Variants in MARCHF1 observed in about 807,000 individuals in gnomAD.
The protein encoded by MARCHF1 is E3 ubiquitin-protein ligase MARCHF1.
MARCHF1 carries 40 observed loss-of-function variants against 54.2 expected under a neutral mutation model. The observed-to-expected ratio is 0.74, with a 90% CI of 0.57 to 0.96. The LOEUF (loss-of-function observed/expected upper bound fraction) is 0.96. Among genes scored for constraint, MARCHF1 ranks in the 40% least tolerant of loss-of-function variants. MARCHF1 has a pLI of 0.00. For missense variants in MARCHF1, 586 were observed against 656.5 expected, an observed-to-expected ratio of 0.89 and a Z score of 1.17; for synonymous variants, 236 against 236.3, an observed-to-expected ratio of 1.00 and a Z score of 0.01.
At chr4:164,190,296 C>T in intron 1 of MARCHF1, 1 of 758,400 alleles carries the variant, frequency 1.3e-6, no homozygotes, top group Non-Finnish European at 2.3e-6. Context: ...AAGCCCTCTC[C>T]CAGCCACGAA....
intron 2 of MARCHF1, among the ~76,000 whole-genome samples, chr4:164,079,409 A>G (rs1408687644): frequency 1.3e-5 from 2 of 152,344 alleles, no homozygotes; most frequent in South Asian, 2.1e-4. Context: ...AGTAACAAAC[A>G]ATTGGCCAAA....
chr4:163,576,125 G>A (rs1369982746), intron 8 of MARCHF1, among the ~76,000 whole-genome samples: 1 of 151,876 alleles, frequency 6.6e-6, no homozygotes, highest in Non-Finnish European at 1.5e-5. Flanking sequence ...CTGTAGGTGT[G>A]ATGTTAGATT....
chr4:164,093,310 T>C (rs950704636), intron 2 of MARCHF1, among the ~76,000 whole-genome samples: 1 of 152,160 alleles, frequency 6.6e-6, no homozygotes, highest in Non-Finnish European at 1.5e-5. Context: ...AACATTTTTC[T>C]TCCTTTTGGA....
At chr4:163,723,434 T>C (rs553725155) in intron 4 of MARCHF1, among the ~76,000 whole-genome samples, 1 of 152,366 alleles carries the variant, frequency 6.6e-6, no homozygotes, top group African/African-American at 2.4e-5. Flanking sequence ...TAACCCGATC[T>C]TTCTCTCTGG....
chr4:163,553,606 A>C (rs1011883992), intron 8 of MARCHF1, among the ~76,000 whole-genome samples: 3 of 152,252 alleles, frequency 2.0e-5, no homozygotes, highest in Admixed American at 1.3e-4. Flanking sequence ...TCTGTAAGAA[A>C]TGGAGCAAAT....
chr4:163,810,224 T>C (rs1748345710), intron 4 of MARCHF1, among the ~76,000 whole-genome samples: 1 of 152,164 alleles, frequency 6.6e-6, no homozygotes, highest in Admixed American at 6.5e-5. Flanking sequence ...TATAAATCCA[T>C]GGATGCCTAC....
chr4:164,096,518 A>G (rs556282433), intron 2 of MARCHF1, among the ~76,000 whole-genome samples: 1 of 152,086 alleles, frequency 6.6e-6, no homozygotes, highest in African/African-American at 2.4e-5. Flanking sequence ...CCTCAGCACT[A>G]TGAAATACAC....
At chr4:164,329,840 C>T (rs889751532) in intron 1 of MARCHF1, 3 of 152,310 alleles carry the variant, frequency 2.0e-5, no homozygotes, top group Non-Finnish European at 4.4e-5. Context: ...AGCCATTCAC[C>T]AGGGATCCAC....
At chr4:164,305,797 A>G (rs1451597912) in intron 1 of MARCHF1, among the ~76,000 whole-genome samples, 1 of 152,176 alleles carries the variant, frequency 6.6e-6, no homozygotes, top group Non-Finnish European at 1.5e-5. Flanking sequence ...CAAATGTTCC[A>G]GACGAAGAAT....
At chr4:164,061,083 G>A (rs968492606) in intron 2 of MARCHF1, among the ~76,000 whole-genome samples, 3 of 152,038 alleles carry the variant, frequency 2.0e-5, no homozygotes, top group African/African-American at 7.2e-5. Flanking sequence ...GTCATAATAA[G>A]AAACTATTGC....
chr4:164,276,291 TC>T (rs1227689510), intron 1 of MARCHF1, among the ~76,000 whole-genome samples: 4 of 152,142 alleles, frequency 2.6e-5, no homozygotes, highest in African/African-American at 9.7e-5. Flanking sequence ...TTTCTTGAAT[TC>T]AGTCAAACAA....
intron 1 of MARCHF1, among the ~76,000 whole-genome samples, chr4:164,281,784 G>A (rs892738381): frequency 6.6e-6 from 1 of 152,132 alleles, no homozygotes; most frequent in Non-Finnish European, 1.5e-5. Flanking sequence ...ATAAAAGAGA[G>A]CACCAGTGTC....
At chr4:163,600,971 T>C (rs1740944029) in intron 7 of MARCHF1, among the ~76,000 whole-genome samples, 2 of 152,172 alleles carry the variant, frequency 1.3e-5, no homozygotes, top group Admixed American at 1.3e-4. Flanking sequence ...TCCTTGTATC[T>C]GACAGAAGTG....
rs569198566 is a variant in MARCHF1, at chr4:164,166,906, AC to A, written c.-322-55245del. Reference sequence around the variant, plus strand: ...TACTATTTTTGGTAAAAATAAAAAAACAATGAATAAATTTAGTCAAAAATGT... The same window carrying A: ...TACTATTTTTGGTAAAAATAAAAAAAAATGAATAAATTTAGTCAAAAATGT... On this transcript the variant is annotated intron_variant, in intron 1 of 9. Coordinates refer to ENST00000514618, the MANE Select transcript of MARCHF1 (RefSeq NM_001394959.1). Among the ~76,000 whole-genome samples, 419 of 151,180 alleles carry A rather than the reference AC, an allele frequency of 2.8e-3. 3 individuals are homozygous for A. Among genetic ancestry groups the A allele is most frequent in the African/African-American group, 9.7e-3 (403 of 41,374 alleles).
intron 2 of MARCHF1, among the ~76,000 whole-genome samples, chr4:163,992,158 A>G (rs190135572): frequency 1.3e-5 from 2 of 152,154 alleles, no homozygotes; most frequent in Admixed American, 1.3e-4. Flanking sequence ...CAAGACAAGG[A>G]ACCAAGTAAA....
In MARCHF1 at chr4:164,239,779, G is replaced by C. The variant is rs527991200; in HGVS notation, c.-322-128117C>G. Among the ~76,000 whole-genome samples, 13 of 152,148 alleles carry C rather than the reference G, an allele frequency of 8.5e-5. No homozygotes were observed. The East Asian group carries it at 2.1e-3, about 25-fold the overall frequency. The stretch of plus-strand genomic sequence containing the variant: ...CACTCACAAAATAATTTTTAAGAGT[G>C]TATGTATATGTCATATTCTTCTTTT... On this transcript the variant is annotated intron_variant, in intron 1 of 9. Transcript: ENST00000514618.
chr4:164,193,646 C>A (rs185084278), intron 1 of MARCHF1, among the ~76,000 whole-genome samples: 1 of 152,224 alleles, frequency 6.6e-6, no homozygotes, highest in East Asian at 1.9e-4. Context: ...TCTATGAGGG[C>A]AGTTTCCTAG....
intron 1 of MARCHF1, among the ~76,000 whole-genome samples, chr4:164,145,710 A>G (rs1320004609): frequency 1.3e-5 from 2 of 150,978 alleles, no homozygotes; most frequent in East Asian, 1.9e-4. Flanking sequence ...CCCACAGCCA[A>G]TATCATACTG....
Position 163,778,172 on chromosome 4 carries a change from GT to G in MARCHF1, c.111+75848del, listed in dbSNP as rs1747358809. ...AGTTTTCTTATCTATTTAGCAGTTGGTGGACATTTTGGTTGTTTCATGAATT... is the reference window on the plus strand; with the variant it reads ...AGTTTTCTTATCTATTTAGCAGTTGGGGACATTTTGGTTGTTTCATGAATT... On this transcript the variant is annotated intron_variant, in intron 4 of 9. Transcript: ENST00000514618. Among the ~76,000 whole-genome samples the G allele has an allele frequency of 7.0e-5, 3 of 43,088 alleles. No homozygotes were observed. The Admixed American group carries it at 8.9e-4, about 13-fold the overall frequency. The allele number at this position is 43,088 out of a possible 152,430, so 28.3% of individuals were successfully genotyped here.
Sources: allele counts gnomAD v4.1 joint callset (sites outside exome capture counted in the v4.1 genomes callset), GRCh38; gene constraint gnomAD v4.1.1; transcripts MANE v1.5; gene names NCBI Gene and HGNC (gene_info 2026-07-23, HGNC 2026-07-21).